PPP3R1: variants seen among roughly 807,000 people sequenced by gnomAD.
The protein encoded by PPP3R1 is protein phosphatase 3 regulatory subunit B, alpha, also known as calcineurin subunit B type 1.
In PPP3R1, 5 loss-of-function variants were observed where a neutral mutation model predicts 22.6. The observed-to-expected ratio is 0.22, with a 90% CI of 0.12 to 0.46. The LOEUF is 0.46. Ranked by LOEUF, PPP3R1 falls within the 20% of genes least tolerant of loss-of-function variation. The pLI is 0.99. For synonymous variants in PPP3R1, 56 were observed against 65.2 expected, an observed-to-expected ratio of 0.86 and a Z score of 0.68; for missense variants, 61 against 203.2, an observed-to-expected ratio of 0.30 and a Z score of 4.25.
rs980247285 is a variant in PPP3R1 at position 68,179,871 on chromosome 2, A to T, written c.*1092T>A. 23 of 152,194 alleles carry T rather than the reference A, an allele frequency of 1.5e-4. No individual in the cohort carries two copies. Among genetic ancestry groups the T allele is most frequent in the Admixed American group, 2.0e-4 (3 of 15,278 alleles). The allele number at this position is 152,194 out of a possible 1,614,324, so 9.4% of individuals were successfully genotyped here. ...TTTCTCACACTTAAACCACAAATAT[A>T]TGTGGGTGTTTAGATACATACATGC... On this transcript the variant is annotated 3_prime_UTR_variant, in exon 6 of 6. Coordinates refer to ENST00000234310, the MANE Select transcript of PPP3R1 (RefSeq NM_000945.4).
At chr2:68,229,372 G>A (rs531699933) in intron 1 of PPP3R1, among the ~76,000 whole-genome samples, 2 of 152,218 alleles carry the variant, frequency 1.3e-5, no homozygotes, top group Admixed American at 6.5e-5. Flanking sequence ...CTGGTCACTT[G>A]AAAAGATGAA....
At chr2:68,228,844 C>A (rs906166014) in intron 1 of PPP3R1, among the ~76,000 whole-genome samples, 7 of 151,882 alleles carry the variant, frequency 4.6e-5, no homozygotes, top group Non-Finnish European at 1.0e-4. Flanking sequence ...ATGTTGTATT[C>A]TTATTTTCAT....
intron 2 of PPP3R1, among the ~76,000 whole-genome samples, chr2:68,192,629 T>C (rs1296493511): frequency 2.6e-5 from 4 of 152,134 alleles, no homozygotes; most frequent in Admixed American, 6.6e-5. Flanking sequence ...TAAAAAATAT[T>C]AAGAATACTT....
At chr2:68,243,691 T>C (rs1050686220) in intron 1 of PPP3R1, among the ~76,000 whole-genome samples, 4 of 152,280 alleles carry the variant, frequency 2.6e-5, no homozygotes, top group African/African-American at 4.8e-5. Flanking sequence ...CCTCTATCAC[T>C]ATAAAATTGT....
intron 4 of PPP3R1, among the ~76,000 whole-genome samples, chr2:68,186,914 T>C (rs1378578094): frequency 6.6e-6 from 1 of 152,214 alleles, no homozygotes; most frequent in Admixed American, 6.5e-5. Context: ...CAGATAAAAC[T>C]GGATATAGTA....
chr2:68,242,501 G>C (rs891048289), intron 1 of PPP3R1, among the ~76,000 whole-genome samples: 1 of 152,074 alleles, frequency 6.6e-6, no homozygotes, highest in South Asian at 2.1e-4. Flanking sequence ...TAAAAGCAGC[G>C]TGACTGCCAG....
At position 68,225,821 on chromosome 2, in the gene PPP3R1, T is replaced by C. The variant is rs573485376; in HGVS notation, c.4-8690A>G. Among the ~76,000 whole-genome samples, 24 of 152,328 alleles carry C rather than the reference T, an allele frequency of 1.6e-4. No homozygotes were observed. The East Asian group carries it at 4.4e-3, about 28-fold the overall frequency. Reference sequence around the variant, plus strand: ...GTACCGCTATTTCAAAAAAACAGTGTGTTGGACTCTTAGTGTAACCAGAAA... The same window carrying C: ...GTACCGCTATTTCAAAAAAACAGTGCGTTGGACTCTTAGTGTAACCAGAAA... On this transcript the variant is annotated intron_variant, in intron 1 of 5. Coordinates refer to ENST00000234310, the MANE Select transcript of PPP3R1 (RefSeq NM_000945.4).
At chr2:68,205,221 C>A (rs1675090157) in intron 2 of PPP3R1, among the ~76,000 whole-genome samples, 2 of 150,278 alleles carry the variant, frequency 1.3e-5, no homozygotes, top group Non-Finnish European at 3.0e-5. Context: ...ATATCATTTC[C>A]TTGTAAGTAA....
chr2:68,206,793 G>A (rs1675135579), intron 2 of PPP3R1, among the ~76,000 whole-genome samples: 3 of 152,224 alleles, frequency 2.0e-5, no homozygotes, highest in South Asian at 4.1e-4. Flanking sequence ...TATCTGTGTG[G>A]CACAGGAAAG....
intron 5 of PPP3R1, among the ~76,000 whole-genome samples, chr2:68,186,122 G>T (rs1674539224): frequency 6.6e-6 from 1 of 152,136 alleles, no homozygotes; most frequent in Non-Finnish European, 1.5e-5. Context: ...TAAAATCCTT[G>T]TAACACATCA....
chr2:68,222,199 T>C (rs1292361107), intron 1 of PPP3R1, among the ~76,000 whole-genome samples: 2 of 152,178 alleles, frequency 1.3e-5, no homozygotes, highest in Non-Finnish European at 2.9e-5. Flanking sequence ...AAAAAATGGA[T>C]GTATGCTGTT....
intron 1 of PPP3R1, among the ~76,000 whole-genome samples, chr2:68,229,965 TACACACATACACACACACAC>T (rs1669858949): frequency 2.0e-5 from 1 of 49,532 alleles, no homozygotes; most frequent in African/African-American, 1.1e-4. Flanking sequence ...TGTGTATATA[TACACACATACACACACACAC>T]ACACACACAC....
At chr2:68,216,506 G>A (rs1669583354) in intron 2 of PPP3R1, among the ~76,000 whole-genome samples, 1 of 151,942 alleles carries the variant, frequency 6.6e-6, no homozygotes, top group Admixed American at 6.6e-5. Flanking sequence ...AATGAATGCT[G>A]TGTGCCTTGT....
At chr2:68,236,494 C>T (rs763243521) in intron 1 of PPP3R1, among the ~76,000 whole-genome samples, 4 of 152,132 alleles carry the variant, frequency 2.6e-5, no homozygotes, top group Non-Finnish European at 5.9e-5. Context: ...GAAAGAGCTT[C>T]GGGGAGACGA....
intron 1 of PPP3R1, among the ~76,000 whole-genome samples, chr2:68,247,910 C>G (rs1670266441): frequency 6.6e-6 from 1 of 152,170 alleles, no homozygotes; most frequent in Admixed American, 6.5e-5. Context: ...ATCCTCATGT[C>G]TAGATTCATC....
intron 1 of PPP3R1, among the ~76,000 whole-genome samples, chr2:68,220,413 T>C (rs1401520495): frequency 2.0e-5 from 3 of 152,206 alleles, no homozygotes; most frequent in Non-Finnish European, 2.9e-5. Context: ...TTTGGGAGTT[T>C]GCACAGAGCT....
chr2:68,229,924 A>G (rs1669854372), intron 1 of PPP3R1, among the ~76,000 whole-genome samples: 1 of 150,132 alleles, frequency 6.7e-6, no homozygotes, highest in Non-Finnish European at 1.5e-5. Context: ...ATGTGTATAT[A>G]TATGTGTGTG....
chr2:68,220,750 CCAAAAA>C (rs1669673562), intron 1 of PPP3R1, among the ~76,000 whole-genome samples: 1 of 151,770 alleles, frequency 6.6e-6, no homozygotes, highest in East Asian at 1.9e-4. Context: ...GTAAAAGAAG[CCAAAAA>C]CAAAAGGCCA....
intron 5 of PPP3R1, among the ~76,000 whole-genome samples, chr2:68,184,211 T>G (rs1193195191): frequency 6.6e-6 from 1 of 152,150 alleles, no homozygotes; most frequent in Non-Finnish European, 1.5e-5. Flanking sequence ...CTTTAACCAG[T>G]CTTTCTGTTT....
Sources: allele counts gnomAD v4.1 joint callset (sites outside exome capture counted in the v4.1 genomes callset), GRCh38; gene constraint gnomAD v4.1.1; transcripts MANE v1.5; gene names NCBI Gene and HGNC (gene_info 2026-07-23, HGNC 2026-07-21).